The following MGAT4A variants were observed in gnomAD, a reference collection of about 807,000 sequenced individuals.
MGAT4A encodes the protein N-acetylglucosaminyltransferase IVa.
In MGAT4A, 33 loss-of-function variants were observed where a neutral mutation model predicts 74.1. That is an observed-to-expected ratio of 0.45 (90% confidence interval 0.34 to 0.60). MGAT4A has a LOEUF of 0.60. Ranked by LOEUF, MGAT4A falls within the 20% of genes least tolerant of loss-of-function variation. The pLI, the probability that MGAT4A is intolerant of heterozygous loss-of-function variation, is 0.02. For synonymous variants in MGAT4A, 198 were observed against 210.4 expected, an observed-to-expected ratio of 0.94 and a Z score of 0.51; for missense variants, 479 against 628.3, an observed-to-expected ratio of 0.76 and a Z score of 2.54.
chr2:98,655,338 G>T, intron 8 of MGAT4A, 107 bp downstream of exon 8: 2 of 747,958 alleles, frequency 2.7e-6, no homozygotes, highest in Non-Finnish European at 4.3e-6. Flanking sequence ...TGATTTGTCA[G>T]ATCTCAGAGG....
intron 14 of MGAT4A, among the ~76,000 whole-genome samples, chr2:98,628,274 C>A (rs1167884059): frequency 6.6e-6 from 1 of 152,134 alleles, no homozygotes; most frequent in East Asian, 1.9e-4. Context: ...TCCTCAGGAG[C>A]CAAGAAAAAC....
intron 14 of MGAT4A, among the ~76,000 whole-genome samples, chr2:98,632,595 C>T (rs1701257292): frequency 6.6e-6 from 1 of 152,226 alleles, no homozygotes; most frequent in Non-Finnish European, 1.5e-5. Flanking sequence ...AAGTCATCTC[C>T]TCTTTAGGGA....
chr2:98,725,565 GAAAGGAGACAAGTAAGA>G, intron 2 of MGAT4A, among the ~76,000 whole-genome samples: 1 of 149,608 alleles, frequency 6.7e-6, no homozygotes. Flanking sequence ...TTAATCAAAG[GAAAGGAGACAAGTAAGA>G]AGTATGGGTA....
chr2:98,674,931 A>C lies in MGAT4A; in HGVS notation c.403+104T>G. 3 of 1,182,002 alleles carry C rather than the reference A, an allele frequency of 2.5e-6. No homozygotes were observed. The East Asian group carries it at 7.3e-5, about 29-fold the overall frequency. 73.2% of individuals were successfully genotyped at this position (1,182,002 alleles called of 1,614,324 possible). On this transcript the variant is annotated intron_variant, in intron 4 of 15. Transcript: ENST00000393487. ...ATCTGATGTGCACAGATAAAGAAAG[A>C]ACTTTCATTTTTTGACCTCCCAGAC...
At chr2:98,650,071 AAT>A (rs1293275167) in intron 8 of MGAT4A, among the ~76,000 whole-genome samples, 1 of 152,198 alleles carries the variant, frequency 6.6e-6, no homozygotes, top group East Asian at 1.9e-4. Flanking sequence ...TGAGAATATC[AAT>A]AGAGATAGAA....
intron 1 of MGAT4A, chr2:98,730,195 A>T (rs1437354716): frequency 2.6e-5 from 4 of 152,252 alleles, no homozygotes; most frequent in Non-Finnish European, 4.4e-5. Context: ...CAAAGCATAC[A>T]TTGTGCCTGC....
intron 2 of MGAT4A, among the ~76,000 whole-genome samples, chr2:98,699,755 C>G (rs1308759659): frequency 6.6e-6 from 1 of 152,106 alleles, no homozygotes; most frequent in East Asian, 1.9e-4. Flanking sequence ...ATACAATATG[C>G]ACAGTATGAG....
intron 12 of MGAT4A, 63 bp downstream of exon 12, chr2:98,639,745 T>C: frequency 7.0e-7 from 1 of 1,438,426 alleles, no homozygotes; most frequent in South Asian, 1.4e-5. Flanking sequence ...AAATCTATTA[T>C]AAATCACATT....
intron 2 of MGAT4A, among the ~76,000 whole-genome samples, chr2:98,704,222 G>C (rs1273381726): frequency 1.3e-5 from 2 of 152,168 alleles, no homozygotes; most frequent in Non-Finnish European, 2.9e-5. Context: ...AGCTACTTCA[G>C]ATCAAAAGCA....
chr2:98,722,817 A>T (rs1702695717), intron 2 of MGAT4A, among the ~76,000 whole-genome samples: 1 of 152,186 alleles, frequency 6.6e-6, no homozygotes. Context: ...GCACTGCAAA[A>T]ATAATACCAG....
intron 6 of MGAT4A, among the ~76,000 whole-genome samples, chr2:98,656,917 T>C (rs1177458497): frequency 6.6e-6 from 1 of 152,218 alleles, no homozygotes; most frequent in Non-Finnish European, 1.5e-5. Flanking sequence ...ATAGACCACA[T>C]GTCATTCTCA....
chr2:98,634,860 G>C, intron 14 of MGAT4A, among the ~76,000 whole-genome samples: 1 of 151,872 alleles, frequency 6.6e-6, no homozygotes, highest in Admixed American at 6.6e-5. Context: ...TCTCAACACA[G>C]ATGTGACGCT....
rs535725246 is a variant in MGAT4A, at chr2:98,686,633, G to A, written c.95-8162C>T. Among the ~76,000 whole-genome samples, 43 of 151,290 alleles carry A rather than the reference G, an allele frequency of 2.8e-4. No homozygotes were observed. In the East Asian group the frequency reaches 6.8e-3, roughly 24 times the overall value. ...ATGATCTCAGCCCACTGCAATCTCCGCCTCCTGGGTTTAAGCAATTCTCCT... is the reference window on the plus strand; with the variant it reads ...ATGATCTCAGCCCACTGCAATCTCCACCTCCTGGGTTTAAGCAATTCTCCT... On this transcript the variant is annotated intron_variant, in intron 2 of 15. Coordinates refer to ENST00000393487, the MANE Select transcript of MGAT4A (RefSeq NM_012214.3).
At chr2:98,646,099 C>T (rs767659699) in intron 8 of MGAT4A, among the ~76,000 whole-genome samples, 6 of 151,882 alleles carry the variant, frequency 4.0e-5, no homozygotes, top group South Asian at 2.1e-4. Flanking sequence ...AATAAATACA[C>T]GTAAAAATTT....
At chr2:98,715,893 A>G (rs1702585841) in intron 2 of MGAT4A, among the ~76,000 whole-genome samples, 1 of 152,226 alleles carries the variant, frequency 6.6e-6, no homozygotes, top group African/African-American at 2.4e-5. Context: ...AATGCTTATT[A>G]ATTACAATGG....
Position 98,623,208 on chromosome 2 carries a change from C to A in MGAT4A, c.*2358G>T. ...ATTTGGCTAAAAGGAGTCTTGGGAA[C>A]AAGAATGAGTTTCTTGGGAACAACA... is the stretch of plus-strand genomic sequence containing the variant. On this transcript the variant is annotated 3_prime_UTR_variant, in exon 16 of 16. Coordinates refer to ENST00000393487, the MANE Select transcript of MGAT4A (RefSeq NM_012214.3). 2 of 985,390 alleles carry A rather than the reference C, an allele frequency of 2.0e-6. No homozygotes were observed. The highest frequency in any genetic ancestry group is 1.7e-5 in the African/African-American group (1 of 57,320). 61.0% of individuals were successfully genotyped at this position (985,390 alleles called of 1,614,324 possible). A position where few individuals can be genotyped will look rare whatever the true frequency, so the allele number is the denominator to read the frequency against.
At chr2:98,677,718 G>T (rs770628229) in intron 3 of MGAT4A, among the ~76,000 whole-genome samples, 4 of 151,438 alleles carry the variant, frequency 2.6e-5, no homozygotes, top group Non-Finnish European at 2.9e-5. Context: ...CTCCCAAAGT[G>T]CTGGGATTAT....
At chr2:98,632,537 T>C (rs1188148691) in intron 14 of MGAT4A, among the ~76,000 whole-genome samples, 1 of 152,258 alleles carries the variant, frequency 6.6e-6, no homozygotes, top group African/African-American at 2.4e-5. Context: ...ATTTCCATTG[T>C]ATTCCACAGC....
intron 14 of MGAT4A, among the ~76,000 whole-genome samples, chr2:98,631,317 C>T (rs931762072): frequency 1.3e-5 from 2 of 152,198 alleles, no homozygotes; most frequent in African/African-American, 2.4e-5. Flanking sequence ...CCAGTCTTGG[C>T]GACATGCAAG....
Sources: gnomAD v4.1 joint callset for allele counts (sites outside exome capture counted in the v4.1 genomes callset) on GRCh38, gnomAD v4.1.1 for gene constraint, MANE v1.5 for transcripts, NCBI Gene and HGNC (gene_info 2026-07-23, HGNC 2026-07-21) for gene names.